TGFB2: variants seen among roughly 807,000 people sequenced by gnomAD.
TGFB2 encodes the protein transforming growth factor beta-2 proprotein.
TGFB2 carries 13 observed loss-of-function variants against 42.7 expected under a neutral mutation model. That is an observed-to-expected ratio of 0.30 (90% confidence interval 0.20 to 0.48). TGFB2 has a LOEUF of 0.48. Among genes scored for constraint, TGFB2 ranks in the 20% least tolerant of loss-of-function variants. The pLI, the probability that TGFB2 is intolerant of heterozygous loss-of-function variation, is 0.99. For missense variants in TGFB2, 390 were observed against 517.5 expected (o/e 0.75, Z 2.39); for synonymous variants, 193 against 193.6 (o/e 1.00, Z 0.03).
At chr1:218,428,965 T>C (rs1187167500) in intron 2 of TGFB2, among the ~76,000 whole-genome samples, 1 of 148,986 alleles carries the variant, frequency 6.7e-6, no homozygotes, top group African/African-American at 2.5e-5. Flanking sequence ...TCCCTATCCA[T>C]GAGCATCTTT....
chr1:218,352,209 T>C (rs1656890689), intron 1 of TGFB2, among the ~76,000 whole-genome samples: 1 of 128,938 alleles, frequency 7.8e-6, no homozygotes, highest in African/African-American at 2.9e-5. Context: ...GCTCTGGAAA[T>C]AGCCCCTTCC....
chr1:218,369,669 C>T (rs879590239), intron 1 of TGFB2, among the ~76,000 whole-genome samples: 6 of 152,078 alleles, frequency 3.9e-5, no homozygotes, highest in African/African-American at 1.2e-4. Flanking sequence ...TAGTCATGGC[C>T]GTCTTTGACA....
At chr1:218,427,656 A>G (rs1346438504) in intron 2 of TGFB2, among the ~76,000 whole-genome samples, 1 of 152,178 alleles carries the variant, frequency 6.6e-6, no homozygotes, top group Non-Finnish European at 1.5e-5. Flanking sequence ...CCTACAGAAG[A>G]CATGAACTCA....
intron 1 of TGFB2, among the ~76,000 whole-genome samples, chr1:218,363,896 C>A (rs1211467776): frequency 1.3e-5 from 2 of 152,212 alleles, no homozygotes; most frequent in African/African-American, 4.8e-5. Flanking sequence ...GGTTCTAGAG[C>A]AAGCTTGTCC....
At position 218,398,218 on chromosome 1, in the gene TGFB2, G is replaced by T. The variant is rs567771103; in HGVS notation, c.347-6951G>T. ...TTCCTGGATGATTCACATTTATCAC[G>T]GATTCCTAGGCAAGGCTGATGCCGT... is the stretch of plus-strand genomic sequence containing the variant. On this transcript the variant is annotated intron_variant, in intron 1 of 6. Transcript: ENST00000366930. Among the ~76,000 whole-genome samples, 11 of 152,368 alleles carry T rather than the reference G, an allele frequency of 7.2e-5. No individual in the cohort carries two copies. The South Asian group carries it at 1.7e-3, about 23-fold the overall frequency.
At chr1:218,436,512 T>A (rs1659977091) in intron 5 of TGFB2, among the ~76,000 whole-genome samples, 1 of 152,218 alleles carries the variant, frequency 6.6e-6, no homozygotes, top group South Asian at 2.1e-4. Flanking sequence ...GATGATGCCT[T>A]CATCCTCACC....
chr1:218,352,395 C>G (rs1208404928), intron 1 of TGFB2, among the ~76,000 whole-genome samples: 1 of 152,102 alleles, frequency 6.6e-6, no homozygotes, highest in African/African-American at 2.4e-5. Context: ...TGCCCATTGT[C>G]ATTTTGAAGG....
chr1:218,347,494 C>T (rs904463271), intron 1 of TGFB2, among the ~76,000 whole-genome samples: 2 of 152,166 alleles, frequency 1.3e-5, no homozygotes, highest in Non-Finnish European at 2.9e-5. Context: ...CAAAACTAGC[C>T]TCTCCGGAAG....
Position 218,405,326 on chromosome 1 carries a change from A to C in TGFB2, c.504A>C (p.Leu168=), listed in dbSNP as rs767140771. Residue 168 remains leucine, a synonymous_variant, in exon 2 of 7, where the codon CTA becomes CTC. Transcript: ENST00000366930. ...KARVPEQRIE[L]YQILKSKDLT... ...GAGTGCCTGAACAACGGATTGAGCT[A>C]TATCAGGTAATGTTCATTTGTTGTT... 6.2e-7 allele frequency: 1 copy of C among 1,613,696 alleles called. No homozygotes were observed. Among genetic ancestry groups the C allele is most frequent in the South Asian group, 1.1e-5 (1 of 91,078 alleles).
chr1:218,353,801 G>A (rs1195534339), intron 1 of TGFB2, among the ~76,000 whole-genome samples: 2 of 152,160 alleles, frequency 1.3e-5, no homozygotes, highest in Non-Finnish European at 2.9e-5. Flanking sequence ...GAAGCAGGAG[G>A]ATTGCTTGAG....
chr1:218,436,752 G>A (rs1390264752), intron 5 of TGFB2, among the ~76,000 whole-genome samples: 1 of 152,204 alleles, frequency 6.6e-6, no homozygotes, highest in Non-Finnish European at 1.5e-5. Flanking sequence ...GGTCCTCACT[G>A]ATGAAGTGCT....
chr1:218,434,003 AAC>A, intron 2 of TGFB2, 77 bp from the exon 3 acceptor site: 1 of 1,566,036 alleles, frequency 6.4e-7, no homozygotes, highest in Non-Finnish European at 8.7e-7. Flanking sequence ...AATGAATTAG[AAC>A]ACTGTTAATA....
intron 2 of TGFB2, among the ~76,000 whole-genome samples, chr1:218,424,105 A>C (rs1659543736): frequency 6.6e-6 from 1 of 152,198 alleles, no homozygotes; most frequent in Non-Finnish European, 1.5e-5. Context: ...GTGAAATTCC[A>C]CTTTTTTCTG....
chr1:218,394,512 T>C (rs989819417), intron 1 of TGFB2, among the ~76,000 whole-genome samples: 1 of 152,136 alleles, frequency 6.6e-6, no homozygotes, highest in African/African-American at 2.4e-5. Context: ...CAAACACTCA[T>C]GCTGACAGTA....
At chr1:218,384,481 A>ACTT (rs1282936772) in intron 1 of TGFB2, among the ~76,000 whole-genome samples, 2 of 152,248 alleles carry the variant, frequency 1.3e-5, no homozygotes, top group African/African-American at 4.8e-5. Flanking sequence ...CTCTGGCTGT[A>ACTT]CCACTTATTA....
Position 218,424,528 on chromosome 1 carries a change from A to G in TGFB2, c.511-9554A>G, listed in dbSNP as rs531373013. Among the ~76,000 whole-genome samples, 41 of 152,332 alleles carry G rather than the reference A, an allele frequency of 2.7e-4. 1 individual carries two copies. The highest frequency in any genetic ancestry group is 3.4e-3 in the Middle Eastern group (1 of 294). ...GATTCTTGGGCCTCCACCTCATCCT[A>G]TTAAATCAGAGGCTCTGGGGATGGG... On this transcript the variant is annotated intron_variant, in intron 2 of 6. Transcript: ENST00000366930.
In TGFB2 at chr1:218,444,048, T is replaced by C. The variant is rs992473105; in HGVS notation, c.*2686T>C. The C allele has an allele frequency of 6.6e-6, 1 of 152,094 alleles. No individual in the cohort carries two copies. The highest frequency in any genetic ancestry group is 1.5e-5 in the Non-Finnish European group (1 of 68,004). The allele number at this position is 152,094 out of a possible 1,614,324, so 9.4% of individuals were successfully genotyped here. A position where few individuals can be genotyped will look rare whatever the true frequency, so the allele number is the denominator to read the frequency against. On this transcript the variant is annotated 3_prime_UTR_variant, in exon 7 of 7. Coordinates refer to ENST00000366930, the MANE Select transcript of TGFB2 (RefSeq NM_003238.6). Reference sequence around the variant, plus strand: ...CATCATCGAGTCTAGAAAACACCTGTGATGCAATAAGACTATCTCAAGCTG... The same window carrying C: ...CATCATCGAGTCTAGAAAACACCTGCGATGCAATAAGACTATCTCAAGCTG...
chr1:218,360,501 TG>T (rs2102542835), intron 1 of TGFB2, among the ~76,000 whole-genome samples: 1 of 152,178 alleles, frequency 6.6e-6, no homozygotes, highest in African/African-American at 2.4e-5. Context: ...CAACACACAC[TG>T]GGGTCTGTCA....
intron 2 of TGFB2, among the ~76,000 whole-genome samples, chr1:218,417,202 G>T (rs776112509): frequency 9.9e-5 from 15 of 152,210 alleles, no homozygotes; most frequent in Non-Finnish European, 1.3e-4. Context: ...GAGACCTGTT[G>T]AATGGCTTTG....
Sources: allele counts gnomAD v4.1 joint callset (sites outside exome capture counted in the v4.1 genomes callset), GRCh38; gene constraint gnomAD v4.1.1; transcripts MANE v1.5; gene names NCBI Gene and HGNC (gene_info 2026-07-23, HGNC 2026-07-21).